AFAP1: variants seen among roughly 807,000 people sequenced by gnomAD.
AFAP1 encodes the protein actin filament associated protein 1.
Under a neutral mutation model 93.9 loss-of-function variants are expected in AFAP1, and 75 were observed. The observed-to-expected ratio is 0.80, with a 90% CI of 0.66 to 0.97. The LOEUF is 0.97. AFAP1 is among the 50% of genes least tolerant of loss of function. AFAP1 has a pLI of 0.00. For synonymous variants in AFAP1, 517 were observed against 430.7 expected (o/e 1.20, Z -2.48); for missense variants, 1,201 against 1,050.8 (o/e 1.14, Z -1.98).
rs145454220 is a variant in AFAP1, at chr4:7,775,815, ATTAAATAT to A, written c.1898-920_1898-913del. 1.6e-3 allele frequency: 238 copies of A among 152,330 alleles called. 1 individual carries two copies. The highest frequency in any genetic ancestry group is 5.6e-3 in the African/African-American group (231 of 41,564). The allele number at this position is 152,330 out of a possible 1,614,324, so 9.4% of individuals were successfully genotyped here. A position where few individuals can be genotyped will look rare whatever the true frequency, so the allele number is the denominator to read the frequency against. ...GGCAATTCACTGAGTGGTTACGAGG[ATTAAATAT>A]TTATAAAGCACTTAGAACAAACACA... On this transcript the variant is annotated intron_variant, in intron 14 of 17. Coordinates refer to ENST00000420658, the MANE Select transcript of AFAP1 (RefSeq NM_001134647.2).
intron 3 of AFAP1, chr4:7,862,438 G>A (rs1317615800): frequency 1.3e-5 from 2 of 149,942 alleles, no homozygotes; most frequent in African/African-American, 2.4e-5. Context: ...AGAATGGGAA[G>A]TTAGTGTTTA....
At chr4:7,799,760 G>A (rs997391175) in intron 10 of AFAP1, among the ~76,000 whole-genome samples, 2 of 152,158 alleles carry the variant, frequency 1.3e-5, no homozygotes, top group African/African-American at 4.8e-5. Context: ...TGTTTTCTAT[G>A]ATGAAAAATT....
rs770107800 is a variant in AFAP1, at chr4:7,768,901, C to T, written c.2361G>A (p.Lys787=). 3.7e-6 allele frequency: 6 copies of T among 1,612,524 alleles called. No homozygotes were observed. The highest frequency in any genetic ancestry group is 1.7e-4 in the Middle Eastern group (1 of 6,048). Residue 787 remains lysine, a synonymous_variant, in exon 17 of 18, where the codon AAG becomes AAA. Coordinates refer to ENST00000420658, the MANE Select transcript of AFAP1 (RefSeq NM_001134647.2). ...GGGAGCTGCCCGGGGCAGCCTGGCT[C>T]TTCTTCAAGACGGCCGCGCTGTTCA... ...VPVNSAAVLK[K]SQAAPGSSPC...
At chr4:7,925,859 A>AAGAG (rs1467278275) in intron 1 of AFAP1, among the ~76,000 whole-genome samples, 149 of 152,136 alleles carry the variant, frequency 9.8e-4, no homozygotes, top group Middle Eastern at 3.4e-3. Flanking sequence ...AAAAAAAAGA[A>AAGAG]AGAAAGAAAG....
At chr4:7,784,569 T>C (rs769420338) in intron 12 of AFAP1, among the ~76,000 whole-genome samples, 43 of 152,060 alleles carry the variant, frequency 2.8e-4, no homozygotes, top group Non-Finnish European at 5.9e-4. Flanking sequence ...GATGAGAAGA[T>C]CCCTCTTTAG....
chr4:7,771,995 C>T (rs1182422055), intron 16 of AFAP1, among the ~76,000 whole-genome samples: 1 of 152,170 alleles, frequency 6.6e-6, no homozygotes, highest in African/African-American at 2.4e-5. Context: ...TCAATCTTCC[C>T]CACAAACCCG....
chr4:7,927,519 G>A (rs6824855), intron 1 of AFAP1, among the ~76,000 whole-genome samples: 2,409 of 152,302 alleles, frequency 0.016, 61 homozygotes, highest in African/African-American at 0.054. Context: ...CAGTAACTTA[G>A]CAATTAGTAA....
In AFAP1 at chr4:7,919,865, A is replaced by G. The variant is rs1720338909; in HGVS notation, c.-3+19791T>C. 2.0e-5 allele frequency among the ~76,000 whole-genome samples: 3 copies of G among 148,584 alleles called. No individual in the cohort carries two copies. The South Asian group carries it at 6.3e-4, about 31-fold the overall frequency. ...CTGTGTCCATGTGTTCTCATTGTTCAGCTCCCACTTATAAGTAAGAACACA... is the reference window on the plus strand; with the variant it reads ...CTGTGTCCATGTGTTCTCATTGTTCGGCTCCCACTTATAAGTAAGAACACA... On this transcript the variant is annotated intron_variant, in intron 1 of 17. Coordinates refer to ENST00000420658, the MANE Select transcript of AFAP1 (RefSeq NM_001134647.2).
intron 1 of AFAP1, among the ~76,000 whole-genome samples, chr4:7,874,978 T>C (rs1717401424): frequency 6.6e-6 from 1 of 152,198 alleles, no homozygotes. Flanking sequence ...TAAAGCTCTT[T>C]AAGGTCTTCA....
intron 3 of AFAP1, among the ~76,000 whole-genome samples, chr4:7,856,637 C>T (rs558350886): frequency 1.7e-3 from 258 of 152,264 alleles, no homozygotes; most frequent in African/African-American, 6.0e-3. Context: ...CTCCGCGCCT[C>T]GGGACAACCT....
intron 1 of AFAP1, among the ~76,000 whole-genome samples, chr4:7,902,120 T>C (rs1719149038): frequency 2.6e-5 from 4 of 152,160 alleles, no homozygotes; most frequent in Non-Finnish European, 5.9e-5. Context: ...CAACAACCCG[T>C]CTTCTCTGAC....
intron 3 of AFAP1, among the ~76,000 whole-genome samples, chr4:7,860,835 C>A (rs927772030): frequency 1.3e-5 from 2 of 152,192 alleles, no homozygotes; most frequent in African/African-American, 4.8e-5. Flanking sequence ...ACAGCACAAG[C>A]AGACGCATCA....
chr4:7,814,264 A>C (rs940475694), intron 8 of AFAP1, among the ~76,000 whole-genome samples: 2 of 152,226 alleles, frequency 1.3e-5, no homozygotes, highest in African/African-American at 4.8e-5. Flanking sequence ...CATATTTAAA[A>C]ATGTTCAACA....
intron 1 of AFAP1, 72 bp from the exon 2 acceptor site, chr4:7,872,152 T>C: frequency 6.4e-7 from 1 of 1,559,778 alleles, no homozygotes; most frequent in Non-Finnish European, 8.7e-7. Context: ...TACTGAGTCT[T>C]ACTCGAAGCA....
chr4:7,778,573 C>T, intron 14 of AFAP1, 189 bp downstream of exon 14: 1 of 632,440 alleles, frequency 1.6e-6, no homozygotes, highest in Non-Finnish European at 2.8e-6. Context: ...AATTTACAAG[C>T]AGTCAGAAAA....
At chr4:7,846,438 A>G (rs755405676) in intron 4 of AFAP1, among the ~76,000 whole-genome samples, 2 of 152,204 alleles carry the variant, frequency 1.3e-5, no homozygotes, top group Non-Finnish European at 2.9e-5. Context: ...CTACGATCCA[A>G]CGTAAACTGA....
chr4:7,907,018 A>G (rs1385850366), intron 1 of AFAP1, among the ~76,000 whole-genome samples: 3 of 152,172 alleles, frequency 2.0e-5, no homozygotes, highest in African/African-American at 7.2e-5. Context: ...AAAAAAAAAA[A>G]AATTCAAATG....
intron 9 of AFAP1, among the ~76,000 whole-genome samples, chr4:7,809,060 TTTG>T (rs1456847883): frequency 1.2e-5 from 1 of 84,976 alleles, no homozygotes; most frequent in Non-Finnish European, 1.9e-5. Context: ...TAGTTTTGTT[TTTG>T]TTTTTTTTTT....
At chr4:7,892,032 C>G (rs930734584) in intron 1 of AFAP1, among the ~76,000 whole-genome samples, 1 of 151,822 alleles carries the variant, frequency 6.6e-6, no homozygotes, top group African/African-American at 2.4e-5. Flanking sequence ...CCAGCCTGGG[C>G]AGCAAGAACA....
Sources: gnomAD v4.1 joint callset for allele counts (sites outside exome capture counted in the v4.1 genomes callset) on GRCh38, gnomAD v4.1.1 for gene constraint, MANE v1.5 for transcripts, NCBI Gene and HGNC (gene_info 2026-07-23, HGNC 2026-07-21) for gene names.